DEPDC5: variants seen among roughly 807,000 people sequenced by gnomAD.
DEPDC5 encodes GATOR1 complex protein DEPDC5.
In DEPDC5, 73 loss-of-function variants were observed where a neutral mutation model predicts 217.3. The ratio of observed to expected loss-of-function variants is 0.34; its 90% confidence interval spans 0.28 to 0.41. DEPDC5 has a LOEUF of 0.41. Ranked by LOEUF, DEPDC5 falls within the 10% of genes least tolerant of loss-of-function variation. DEPDC5 has a pLI of 1.00. For synonymous variants in DEPDC5, 733 were observed against 756.7 expected (o/e 0.97, Z 0.51); for missense variants, 1,675 against 2,070.1 (o/e 0.81, Z 3.70).
intron 2 of DEPDC5, among the ~76,000 whole-genome samples, chr22:31,756,534 A>T (rs961377260): frequency 6.6e-6 from 1 of 152,260 alleles, no homozygotes; most frequent in Non-Finnish European, 1.5e-5. Context: ...ACAAGGATAC[A>T]GTATATACAA....
At chr22:31,883,361 T>C (rs1167070351) in intron 38 of DEPDC5, among the ~76,000 whole-genome samples, 1 of 152,148 alleles carries the variant, frequency 6.6e-6, no homozygotes, top group Non-Finnish European at 1.5e-5. Flanking sequence ...GTAGGATGAA[T>C]GGTCAGAGCT....
chr22:31,879,556 C>T lies in DEPDC5; in HGVS notation c.3837C>T (p.His1279=), dbSNP rs370472498. ...TGCAGCAGCCCGCCACCACCTGGCA[C>T]ACAGCAGGAGTGGACGACTTCGCCA... is the stretch of plus-strand genomic sequence containing the variant. ...VAMQQPATTW[H]TAGVDDFASF... is the part of the protein sequence containing the mutation. The change falls in exon 38 of 43, where the codon CAC becomes CAT. Residue 1279 remains histidine (H), a synonymous_variant. Coordinates refer to ENST00000651528, the MANE Select transcript of DEPDC5 (RefSeq NM_001242896.3). 1.5e-5 allele frequency: 24 copies of T among 1,612,244 alleles called. No individual in the cohort carries two copies. Among genetic ancestry groups the T allele is most frequent in the Admixed American group, 1.7e-5 (1 of 60,004 alleles).
chr22:31,903,884 C>CT (rs2093709279), intron 41 of DEPDC5, among the ~76,000 whole-genome samples: 1 of 151,646 alleles, frequency 6.6e-6, no homozygotes, highest in Admixed American at 6.6e-5. Flanking sequence ...CAGGGGTATG[C>CT]TTTTTCCTAT....
chr22:31,906,511 C>CAG lies in DEPDC5; in HGVS notation c.*14_*15insAG, dbSNP rs886038423. ...AGTGCCCCGTGAGGCCAGGCTGCAC[C>CAG]TGTGCTGGGGGAAGGTGGGTGAGCC... is the stretch of plus-strand genomic sequence containing the variant. On this transcript the variant is annotated 3_prime_UTR_variant, in exon 43 of 43. Transcript: ENST00000651528. This position sits in a 1 kb window ranked among gnomAD's most constrained non-coding sequence, Gnocchi z 5.1. 6.2e-7 allele frequency: 1 copy of CAG among 1,611,830 alleles called. No individual in the cohort carries two copies. Among genetic ancestry groups the CAG allele is most frequent in the Non-Finnish European group, 8.5e-7 (1 of 1,178,636 alleles).
chr22:31,878,406 A>T (rs1016819979), intron 37 of DEPDC5, among the ~76,000 whole-genome samples: 1 of 152,160 alleles, frequency 6.6e-6, no homozygotes, highest in Admixed American at 6.6e-5. Context: ...TTGAGGTATG[A>T]AACTGATCAT....
chr22:31,794,436 T>A (rs1017326752), intron 12 of DEPDC5, among the ~76,000 whole-genome samples: 1 of 152,190 alleles, frequency 6.6e-6, no homozygotes, highest in Non-Finnish European at 1.5e-5. Context: ...TATGAATATA[T>A]GAATTATGAA....
intron 33 of DEPDC5, among the ~76,000 whole-genome samples, chr22:31,868,688 A>T (rs1161922602): frequency 6.6e-6 from 1 of 152,138 alleles, no homozygotes; most frequent in Non-Finnish European, 1.5e-5. Flanking sequence ...TCGCCTCCCA[A>T]AGTGCCAAGA....
chr22:31,793,994 C>T (rs2085968512), intron 12 of DEPDC5, among the ~76,000 whole-genome samples: 1 of 152,144 alleles, frequency 6.6e-6, no homozygotes, highest in South Asian at 2.1e-4. Context: ...ATCACAGCAT[C>T]CCTGTGGGAT....
chr22:31,789,380 A>G (rs1399412379), intron 10 of DEPDC5, among the ~76,000 whole-genome samples: 1 of 152,258 alleles, frequency 6.6e-6, no homozygotes, highest in Non-Finnish European at 1.5e-5. Flanking sequence ...GAAGCCAGAC[A>G]TAGTGGATCA....
intron 14 of DEPDC5, among the ~76,000 whole-genome samples, chr22:31,799,191 G>A (rs1357914262): frequency 1.3e-5 from 2 of 151,298 alleles, no homozygotes; most frequent in East Asian, 2.0e-4. Flanking sequence ...TTACAGGTGC[G>A]CATCACCACG....
chr22:31,761,625 C>T lies in DEPDC5; in HGVS notation c.193+923C>T, dbSNP rs1163398308. Among the ~76,000 whole-genome samples the T allele has an allele frequency of 3.4e-5, 5 of 147,848 alleles. No homozygotes were observed. In the East Asian group the frequency reaches 7.9e-4, roughly 23 times the overall value. On this transcript the variant is annotated intron_variant, in intron 4 of 42. Coordinates refer to ENST00000651528, the MANE Select transcript of DEPDC5 (RefSeq NM_001242896.3). ...TTTCAATGAGCTATAACGGTGCCAC[C>T]GCAGTCTAGCCTGGTCAACAGAGCA...
intron 2 of DEPDC5, 52 bp from the exon 3 acceptor site, chr22:31,758,494 C>A: frequency 1.3e-6 from 2 of 1,514,900 alleles, no homozygotes; most frequent in Non-Finnish European, 1.8e-6. Flanking sequence ...TGAGAACATA[C>A]AGTGTACCTA....
chr22:31,828,282 T>C (rs1034320636), intron 24 of DEPDC5, among the ~76,000 whole-genome samples: 5 of 151,950 alleles, frequency 3.3e-5, no homozygotes, highest in Non-Finnish European at 7.4e-5. Flanking sequence ...GAAACCGCCA[T>C]CTCTGCTAAA....
rs373980278 is a variant in DEPDC5, at chr22:31,907,385, GT to G, written c.*896del. 4 of 150,380 alleles carry G rather than the reference GT, an allele frequency of 2.7e-5. No homozygotes were observed. The highest frequency in any genetic ancestry group is 5.9e-5 in the Non-Finnish European group (4 of 67,724). The allele number at this position is 150,380 out of a possible 1,614,324, so 9.3% of individuals were successfully genotyped here. ...TCTAACTTAGGTTTTTTTTGTTGTT[GT>G]TTTTTTTGTTGTTTTTTTTGACACA... is the stretch of plus-strand genomic sequence containing the variant. On this transcript the variant is annotated 3_prime_UTR_variant, in exon 43 of 43. Transcript: ENST00000651528.
chr22:31,768,929 A>G (rs532706212), intron 7 of DEPDC5, 66 bp downstream of exon 7: 1 of 1,555,624 alleles, frequency 6.4e-7, no homozygotes, highest in African/African-American at 1.4e-5. Flanking sequence ...GTGGAGGCGT[A>G]TGGATGTCCA....
intron 14 of DEPDC5, 45 bp downstream of exon 14, chr22:31,798,701 T>A: frequency 6.3e-7 from 1 of 1,583,476 alleles, no homozygotes; most frequent in East Asian, 2.3e-5. Flanking sequence ...GCCTACCACA[T>A]GGCTATGTTA....
At chr22:31,821,412 C>G in intron 22 of DEPDC5, 90 bp from the exon 23 acceptor site, 3 of 1,538,316 alleles carry the variant, frequency 2.0e-6, no homozygotes, top group Non-Finnish European at 2.7e-6. Context: ...CATCTGTATC[C>G]CAGTAGCTGG....
Position 31,754,875 on chromosome 22 carries a change from C to G in DEPDC5, c.-47C>G, listed in dbSNP as rs771280303. On this transcript the variant is annotated 5_prime_UTR_variant, in exon 2 of 43. Transcript: ENST00000651528. ...TTTCTGTGGCAGGGAGGCAAGATGA[C>G]TTCTCTGCCCCAAGCTTGGAACAGC... 2.5e-6 allele frequency: 4 copies of G among 1,608,156 alleles called. No individual in the cohort carries two copies. The highest frequency in any genetic ancestry group is 1.7e-4 in the Middle Eastern group (1 of 6,044).
chr22:31,888,061 C>G, intron 38 of DEPDC5, among the ~76,000 whole-genome samples: 1 of 151,982 alleles, frequency 6.6e-6, no homozygotes, highest in East Asian at 1.9e-4. Flanking sequence ...TTTGAAATGC[C>G]TGACATTGAC....
Sources: allele counts gnomAD v4.1 joint callset (sites outside exome capture counted in the v4.1 genomes callset), GRCh38; gene constraint gnomAD v4.1.1; non-coding constraint Gnocchi (gnomAD v3.1); transcripts MANE v1.5; gene names NCBI Gene and HGNC (gene_info 2026-07-23, HGNC 2026-07-21).